The following PHTF2 variants were observed in gnomAD, a reference collection of about 807,000 sequenced individuals.
PHTF2 encodes the protein protein PHTF2.
PHTF2 carries 60 observed loss-of-function variants against 101.2 expected under a neutral mutation model. The observed-to-expected ratio is 0.59, with a 90% CI of 0.48 to 0.73. PHTF2 has a LOEUF of 0.73. Among genes scored for constraint, PHTF2 ranks in the 30% least tolerant of loss-of-function variants. The probability of loss-of-function intolerance (pLI) is 0.00; values close to 1 mark genes in which losing one functional copy is unlikely to be tolerated. For synonymous variants in PHTF2, 311 were observed against 307.3 expected (o/e 1.01, Z -0.13); for missense variants, 747 against 908.7 (o/e 0.82, Z 2.29).
chr7:77,819,243 T>G (rs1178386949), intron 1 of PHTF2, among the ~76,000 whole-genome samples: 1 of 152,226 alleles, frequency 6.6e-6, no homozygotes, highest in Non-Finnish European at 1.5e-5. Context: ...TCTTGACTAA[T>G]TGCTCCAACT....
intron 9 of PHTF2, among the ~76,000 whole-genome samples, chr7:77,912,709 C>T (rs767130994): frequency 1.6e-5 from 2 of 124,946 alleles, no homozygotes; most frequent in Admixed American, 8.9e-5. Flanking sequence ...GAGAGAACCA[C>T]CTTTTTTTTT....
At chr7:77,885,967 A>T (rs1330877295) in intron 3 of PHTF2, among the ~76,000 whole-genome samples, 2 of 152,216 alleles carry the variant, frequency 1.3e-5, no homozygotes, top group African/African-American at 2.4e-5. Flanking sequence ...ACATGGTGGT[A>T]GGAAAAATTA....
chr7:77,946,717 A>G (rs879923921), intron 16 of PHTF2, among the ~76,000 whole-genome samples: 5 of 152,206 alleles, frequency 3.3e-5, no homozygotes, highest in Non-Finnish European at 7.3e-5. Context: ...TTGAAGTAAT[A>G]TAAAAATTTC....
chr7:77,920,470 G>T lies in PHTF2; in HGVS notation c.963+5G>T, dbSNP rs748306144. ...CTGAGGAATGGTCCTAGCAAAGTAC[G>T]TGTGATTTTTAAAATAGTTTGCCTA... On this transcript the variant is annotated splice_donor_5th_base_variant and intron_variant, in intron 10 of 19. Transcript: ENST00000416283. 1 of 1,607,976 alleles carries T rather than the reference G, an allele frequency of 6.2e-7. No individual in the cohort carries two copies.
At chr7:77,892,221 C>T (rs570709635) in intron 3 of PHTF2, among the ~76,000 whole-genome samples, 8 of 152,216 alleles carry the variant, frequency 5.3e-5, no homozygotes, top group South Asian at 2.1e-4. Flanking sequence ...ACCCAGGAGG[C>T]GGAGGTTGCA....
chr7:77,821,536 G>A lies in PHTF2; in HGVS notation c.-35-18685G>A, dbSNP rs117277745. Among the ~76,000 whole-genome samples the A allele has an allele frequency of 8.4e-3, 1,280 of 152,072 alleles. 9 individuals are homozygous for A. Among genetic ancestry groups the A allele is most frequent in the Non-Finnish European group, 0.015 (986 of 67,988 alleles). On this transcript the variant is annotated intron_variant, in intron 1 of 19. Transcript: ENST00000416283. ...TTGGGACATGGGTACAAGGCTGCTC[G>A]GGGAGCTCAGGAGTGTGTCCACCAT...
intron 11 of PHTF2, among the ~76,000 whole-genome samples, chr7:77,928,624 CA>C (rs1804281157): frequency 6.6e-6 from 1 of 152,190 alleles, no homozygotes; most frequent in South Asian, 2.1e-4. Flanking sequence ...AACCTGATGA[CA>C]CATAAGTCAG....
At position 77,893,107 on chromosome 7, in the gene PHTF2, T is replaced by C. The variant is rs541124617; in HGVS notation, c.148-501T>C. 4.3e-4 allele frequency among the ~76,000 whole-genome samples: 65 copies of C among 152,288 alleles called. 1 individual carries two copies. The highest frequency in any genetic ancestry group is 1.5e-3 in the African/African-American group (64 of 41,568). ...AGGGATTTTAAAAAGTTTTTTAATT[T>C]TTATTTTAGGTTCAGGGATACATGT... is the stretch of plus-strand genomic sequence containing the variant. On this transcript the variant is annotated intron_variant, in intron 3 of 19. Coordinates refer to ENST00000416283, the Ensembl canonical transcript of PHTF2.
intron 18 of PHTF2, among the ~76,000 whole-genome samples, chr7:77,952,582 T>C (rs1397134673): frequency 6.6e-6 from 1 of 152,162 alleles, no homozygotes; most frequent in Non-Finnish European, 1.5e-5. Flanking sequence ...TTGACCAAAA[T>C]GCTCAATGGG....
At chr7:77,918,041 A>G (rs969438600) in intron 9 of PHTF2, among the ~76,000 whole-genome samples, 1 of 152,180 alleles carries the variant, frequency 6.6e-6, no homozygotes, top group Non-Finnish European at 1.5e-5. Flanking sequence ...GAAGTGAGAG[A>G]TAGCTGAAAG....
chr7:77,937,413 A>G, intron 12 of PHTF2, among the ~76,000 whole-genome samples: 1 of 152,190 alleles, frequency 6.6e-6, no homozygotes, highest in Non-Finnish European at 1.5e-5. Context: ...TGTTACAGAA[A>G]GTTCTCAACT....
Position 77,910,795 on chromosome 7 carries a change from C to G in PHTF2, c.776+386C>G, listed in dbSNP as rs567127128. ...TAGCTGGGCTTACAGGCACGTGCCA[C>G]CACACCTGGCTAATTTTTTGTATTT... On this transcript the variant is annotated intron_variant, in intron 9 of 19. Transcript: ENST00000416283. 4.6e-5 allele frequency among the ~76,000 whole-genome samples: 7 copies of G among 152,188 alleles called. 1 individual carries two copies. The South Asian group carries it at 1.5e-3, about 32-fold the overall frequency.
chr7:77,825,491 G>A (rs1021874542), intron 1 of PHTF2, among the ~76,000 whole-genome samples: 1 of 152,188 alleles, frequency 6.6e-6, no homozygotes, highest in Non-Finnish European at 1.5e-5. Context: ...CTGAGTTAAG[G>A]GCAAGAGCCA....
intron 10 of PHTF2, among the ~76,000 whole-genome samples, chr7:77,920,685 C>T (rs566656470): frequency 6.6e-6 from 1 of 152,090 alleles, no homozygotes; most frequent in Non-Finnish European, 1.5e-5. Context: ...TCAGTTTTTC[C>T]AAAATGCTTT....
chr7:77,956,260 T>C (rs1258343065), exon 20 of PHTF2: 1 of 152,606 alleles, frequency 6.6e-6, no homozygotes, highest in Admixed American at 6.5e-5. Flanking sequence ...TTTTACCATA[T>C]TTTAAGAACT....
exon 13 of PHTF2, chr7:77,937,771 G>C (rs761788058): frequency 6.6e-7 from 1 of 1,524,940 alleles, no homozygotes; most frequent in Non-Finnish European, 9.0e-7. Context: ...GCTATAGTAT[G>C]GGAAGGTAAT....
intron 16 of PHTF2, 148 bp from the exon 16 acceptor site, chr7:77,949,530 C>T (rs1251794797): frequency 7.2e-6 from 4 of 558,668 alleles, no homozygotes; most frequent in African/African-American, 5.7e-5. Flanking sequence ...ATACTCTATA[C>T]TTTTGATATG....
chr7:77,929,084 A>C (rs567784021), intron 11 of PHTF2, 25 bp from the exon 11 acceptor site: 2 of 1,530,960 alleles, frequency 1.3e-6, no homozygotes, highest in African/African-American at 2.7e-5. Flanking sequence ...AATTGTATTA[A>C]TGTCAAAGAA....
chr7:77,843,308 C>T (rs1436883318), intron 2 of PHTF2, among the ~76,000 whole-genome samples: 1 of 152,064 alleles, frequency 6.6e-6, no homozygotes, highest in African/African-American at 2.4e-5. Context: ...CTTGGTTTTA[C>T]GAATTCTTTT....
Sources: gnomAD v4.1 joint callset for allele counts (sites outside exome capture counted in the v4.1 genomes callset) on GRCh38, gnomAD v4.1.1 for gene constraint, MANE v1.5 for transcripts, NCBI Gene and HGNC (gene_info 2026-07-23, HGNC 2026-07-21) for gene names.